The following LRP1B variants were observed in gnomAD, a reference collection of about 807,000 sequenced individuals.
LRP1B encodes the protein low-density lipoprotein receptor-related protein 1B.
In LRP1B, 217 loss-of-function variants were observed where a neutral mutation model predicts 556.6. The observed-to-expected ratio is 0.39, with a 90% confidence interval of 0.35 to 0.44. The LOEUF (loss-of-function observed/expected upper bound fraction) is 0.44. Among genes scored for constraint, LRP1B ranks in the 20% least tolerant of loss-of-function variants. LRP1B has a pLI of 1.00. For synonymous variants in LRP1B, 2,047 were observed against 1,865.8 expected (o/e 1.10, Z -2.50); for missense variants, 5,053 against 5,620.8 (o/e 0.90, Z 3.23).
intron 1 of LRP1B, 86 bp from the exon 2 acceptor site, chr2:141,810,487 A>G (rs1231913112): frequency 7.3e-7 from 1 of 1,372,616 alleles, no homozygotes; most frequent in Non-Finnish European, 1.0e-6. Context: ...GTGAAAAAGC[A>G]ATACATAAAA....
chr2:142,106,840 CCTG>C (rs1377922277), intron 1 of LRP1B, among the ~76,000 whole-genome samples: 1 of 151,968 alleles, frequency 6.6e-6, no homozygotes, highest in Non-Finnish European at 1.5e-5. Flanking sequence ...ATTATTGTAT[CCTG>C]CTTTTTAAAA....
intron 43 of LRP1B, among the ~76,000 whole-genome samples, chr2:140,592,151 GA>G: frequency 6.6e-6 from 1 of 152,066 alleles, no homozygotes; most frequent in South Asian, 2.1e-4. Flanking sequence ...GTACTAAATA[GA>G]ACTTGGAAAA....
intron 3 of LRP1B, among the ~76,000 whole-genome samples, chr2:141,421,391 T>C (rs1573926694): frequency 6.6e-6 from 1 of 150,714 alleles, no homozygotes; most frequent in East Asian, 2.0e-4. Context: ...TAGCCGGGCG[T>C]AGTGGCGGGC....
intron 23 of LRP1B, among the ~76,000 whole-genome samples, chr2:140,895,166 T>A (rs10191493): frequency 0.47 from 71,246 of 151,886 alleles, 18,240 homozygotes; most frequent in South Asian, 0.6. Context: ...GAAATGATTT[T>A]AATTAAAAAA....
chr2:142,039,793 T>C (rs1171207475), intron 1 of LRP1B, among the ~76,000 whole-genome samples: 1 of 151,592 alleles, frequency 6.6e-6, no homozygotes. Context: ...CTTTGTATTA[T>C]CTAGAAATTT....
intron 35 of LRP1B, among the ~76,000 whole-genome samples, chr2:140,725,050 T>C (rs1245972230): frequency 2.0e-5 from 3 of 152,316 alleles, no homozygotes; most frequent in African/African-American, 7.2e-5. Flanking sequence ...AATGTATTAA[T>C]ACCTCTAATT....
chr2:141,402,468 A>G (rs1156281610), intron 3 of LRP1B, among the ~76,000 whole-genome samples: 1 of 152,138 alleles, frequency 6.6e-6, no homozygotes, highest in East Asian at 1.9e-4. Flanking sequence ...ACCAAAAAGT[A>G]TTAGTTTCCA....
intron 43 of LRP1B, among the ~76,000 whole-genome samples, chr2:140,561,887 T>C (rs1680944957): frequency 6.6e-6 from 1 of 151,992 alleles, no homozygotes; most frequent in South Asian, 2.1e-4. Flanking sequence ...TAAAAAATAA[T>C]ACATGATTAT....
At chr2:140,319,180 T>C (rs1390418137) in intron 82 of LRP1B, among the ~76,000 whole-genome samples, 1 of 151,990 alleles carries the variant, frequency 6.6e-6, no homozygotes, top group Non-Finnish European at 1.5e-5. Flanking sequence ...GTAGAAGAGG[T>C]TGTGGAAACA....
intron 77 of LRP1B, 110 bp downstream of exon 77, chr2:140,350,687 T>A (rs1270935000): frequency 3.4e-6 from 3 of 880,218 alleles, no homozygotes; most frequent in Non-Finnish European, 4.9e-6. Flanking sequence ...ATTGGGAGAA[T>A]AATTGAATAT....
chr2:141,181,553 A>C (rs980390902), intron 7 of LRP1B, among the ~76,000 whole-genome samples: 3 of 150,838 alleles, frequency 2.0e-5, no homozygotes, highest in African/African-American at 7.2e-5. Context: ...AGTAAAAAAG[A>C]AAGAAACAAA....
chr2:140,654,493 G>C (rs1684806147), intron 41 of LRP1B, among the ~76,000 whole-genome samples: 1 of 152,178 alleles, frequency 6.6e-6, no homozygotes, highest in African/African-American at 2.4e-5. Context: ...ATTGATCAAA[G>C]TGAATAAATG....
intron 7 of LRP1B, among the ~76,000 whole-genome samples, chr2:141,182,058 G>T (rs561828548): frequency 4.6e-5 from 7 of 152,058 alleles, no homozygotes; most frequent in Admixed American, 3.3e-4. Context: ...AGTGACAAGG[G>T]ATTACTTTCT....
chr2:141,528,289 T>A (rs546624667), intron 2 of LRP1B, among the ~76,000 whole-genome samples: 1 of 151,896 alleles, frequency 6.6e-6, no homozygotes, highest in African/African-American at 2.4e-5. Context: ...TCCAGAAAAA[T>A]TTGTGATAAA....
intron 18 of LRP1B, among the ~76,000 whole-genome samples, chr2:140,967,613 G>A (rs1696271625): frequency 6.6e-6 from 1 of 151,728 alleles, no homozygotes; most frequent in Admixed American, 6.6e-5. Flanking sequence ...TCCCTGTCTT[G>A]TGCCAGTTTT....
intron 7 of LRP1B, among the ~76,000 whole-genome samples, chr2:141,135,949 G>T (rs1387259554): frequency 1.3e-5 from 2 of 148,400 alleles, no homozygotes; most frequent in African/African-American, 5.1e-5. Flanking sequence ...CATACAAATA[G>T]AAATGATTTC....
chr2:142,085,896 T>A (rs1705900059), intron 1 of LRP1B, among the ~76,000 whole-genome samples: 1 of 152,292 alleles, frequency 6.6e-6, no homozygotes, highest in South Asian at 2.1e-4. Flanking sequence ...CCCACTCTCC[T>A]CTGGAGCTCT....
At chr2:141,402,720 G>A (rs1186716809) in intron 3 of LRP1B, among the ~76,000 whole-genome samples, 1 of 152,036 alleles carries the variant, frequency 6.6e-6, no homozygotes, top group Non-Finnish European at 1.5e-5. Flanking sequence ...TTATGTTTGT[G>A]ATTGTTTAAG....
At chr2:141,026,688 T>C (rs1297254556) in intron 11 of LRP1B, among the ~76,000 whole-genome samples, 3 of 152,050 alleles carry the variant, frequency 2.0e-5, no homozygotes, top group Non-Finnish European at 4.4e-5. Context: ...TTAATAATAA[T>C]TTATCTAATA....
Sources: allele counts gnomAD v4.1 joint callset (sites outside exome capture counted in the v4.1 genomes callset), GRCh38; gene constraint gnomAD v4.1.1; transcripts MANE v1.5; gene names NCBI Gene and HGNC (gene_info 2026-07-23, HGNC 2026-07-21).